Variants in NBEAL1 observed in about 807,000 individuals in gnomAD.
NBEAL1 encodes neurobeachin like 1, also known as neurobeachin-like protein 1.
In NBEAL1, 273 loss-of-function variants were observed where a neutral mutation model predicts 351.3. The ratio of observed to expected loss-of-function variants is 0.78; its 90% confidence interval spans 0.70 to 0.86. The LOEUF (loss-of-function observed/expected upper bound fraction) is 0.86. Ranked by LOEUF, NBEAL1 falls within the 40% of genes least tolerant of loss-of-function variation. The probability of loss-of-function intolerance (pLI) is 0.00; values close to 1 mark genes in which losing one functional copy is unlikely to be tolerated. For synonymous variants in NBEAL1, 1,050 were observed against 1,086.4 expected (o/e 0.97, Z 0.66); for missense variants, 2,961 against 3,201.3 (o/e 0.92, Z 1.81).
intron 36 of NBEAL1, among the ~76,000 whole-genome samples, chr2:203,161,885 C>A (rs1378465329): frequency 6.6e-6 from 1 of 151,750 alleles, no homozygotes; most frequent in Non-Finnish European, 1.5e-5. Context: ...ATAAACAAAC[C>A]CCTTGATCCA....
intron 2 of NBEAL1, among the ~76,000 whole-genome samples, chr2:203,035,148 G>T (rs985571476): frequency 2.0e-5 from 3 of 149,080 alleles, no homozygotes; most frequent in Non-Finnish European, 1.5e-5. Context: ...CCTCCCAAAA[G>T]GTTAGTGGGT....
rs184258127 is a variant in NBEAL1 at position 203,113,619 on chromosome 2, C to T, written c.2506+301C>T. On this transcript the variant is annotated intron_variant, in intron 17 of 55. Coordinates refer to ENST00000683969, the MANE Select transcript of NBEAL1 (RefSeq NM_001378026.1). Reference sequence around the variant, plus strand: ...TCATAGCAAAATACCACAGACTGGGCGGCTTTAGCAACAGAAATTTATTTT... The same window carrying T: ...TCATAGCAAAATACCACAGACTGGGTGGCTTTAGCAACAGAAATTTATTTT... Among the ~76,000 whole-genome samples, 7 of 152,040 alleles carry T rather than the reference C, an allele frequency of 4.6e-5. No individual in the cohort carries two copies. In the East Asian group the frequency reaches 9.7e-4, roughly 21 times the overall value.
At chr2:203,113,908 G>A (rs993423231) in intron 17 of NBEAL1, among the ~76,000 whole-genome samples, 9 of 147,212 alleles carry the variant, frequency 6.1e-5, no homozygotes, top group Admixed American at 2.8e-4. Context: ...TGCAAGCTCC[G>A]CCTCCCAGGT....
Position 203,113,169 on chromosome 2 carries a change from A to G in NBEAL1, c.2357A>G (p.Glu786Gly). 6.4e-7 allele frequency: 1 copy of G among 1,552,346 alleles called. No homozygotes were observed. The highest frequency in any genetic ancestry group is 8.7e-7 in the Non-Finnish European group (1 of 1,147,134). Reference protein sequence around the residue: ...LSSASWGGTIEKSKLITKLIS... With the variant: ...LSSASWGGTIGKSKLITKLIS... ...TCAGCCTCCTGGGGAGGAACAATTG[A>G]AAAATCAAAATTGATTACCAAATTG... The change falls in exon 17 of 56, where the codon GAA becomes GGA. Residue 786 changes from glutamate to glycine, a missense_variant. Coordinates refer to ENST00000683969, the MANE Select transcript of NBEAL1 (RefSeq NM_001378026.1).
At position 203,136,578 on chromosome 2, in the gene NBEAL1, ATTACT is replaced by A. The variant is rs1559394462; in HGVS notation, c.4390-17_4390-13del. 2 of 1,558,584 alleles carry A rather than the reference ATTACT, an allele frequency of 1.3e-6. No homozygotes were observed. The highest frequency in any genetic ancestry group is 4.5e-5 in the East Asian group (2 of 44,480). ...CAACTACACCCTCTAGTTATTTAAAATTACTTTATATTTTCCATAGAGATGTGAGG... is the reference window on the plus strand; with the variant it reads ...CAACTACACCCTCTAGTTATTTAAAATTATATTTTCCATAGAGATGTGAGG... On this transcript the variant is annotated splice_polypyrimidine_tract_variant and intron_variant, in intron 28 of 55. Transcript: ENST00000683969.
chr2:203,116,548 A>G (rs1165486524), intron 18 of NBEAL1, among the ~76,000 whole-genome samples: 1 of 151,646 alleles, frequency 6.6e-6, no homozygotes, highest in Non-Finnish European at 1.5e-5. Context: ...GCCCAGGTGG[A>G]TCGTTTGAGG....
In NBEAL1 at chr2:203,137,810, C is replaced by T. The variant is rs559960718; in HGVS notation, c.4566-352C>T. 5.3e-5 allele frequency among the ~76,000 whole-genome samples: 8 copies of T among 151,952 alleles called. No individual in the cohort carries two copies. The South Asian group carries it at 1.7e-3, about 32-fold the overall frequency. The stretch of plus-strand genomic sequence containing the variant: ...ACCAGCCTATCCAACATGGCAAAAC[C>T]CCATCTCTACCAAAAATACAAAAAT... On this transcript the variant is annotated intron_variant, in intron 29 of 55. Coordinates refer to ENST00000683969, the MANE Select transcript of NBEAL1 (RefSeq NM_001378026.1).
Position 203,219,856 on chromosome 2 carries a change from T to C in NBEAL1, c.*2502T>C, listed in dbSNP as rs1236251145. 1.9e-5 allele frequency: 1 copy of C among 51,560 alleles called. No homozygotes were observed. 3.2% of individuals were successfully genotyped at this position (51,560 alleles called of 1,614,324 possible). A position where few individuals can be genotyped will look rare whatever the true frequency, so the allele number is the denominator to read the frequency against. Reference sequence around the variant, plus strand: ...TTGGGCAACAGAGTGAGACTTTGTCTCAAAGAAAAGAAAAAAAATATGGAA... The same window carrying C: ...TTGGGCAACAGAGTGAGACTTTGTCCCAAAGAAAAGAAAAAAAATATGGAA... On this transcript the variant is annotated 3_prime_UTR_variant, in exon 56 of 56. Transcript: ENST00000683969.
chr2:203,132,135 A>G lies in NBEAL1; in HGVS notation c.3724+3A>G. ...CACCCATCAAATCATAAATACAGGTATGAATAAGGCTAATAAAGCTAACAT... is the reference window on the plus strand; with the variant it reads ...CACCCATCAAATCATAAATACAGGTGTGAATAAGGCTAATAAAGCTAACAT... On this transcript the variant is annotated splice_donor_region_variant and intron_variant, in intron 26 of 55. Coordinates refer to ENST00000683969, the MANE Select transcript of NBEAL1 (RefSeq NM_001378026.1). 6.7e-7 allele frequency: 1 copy of G among 1,497,904 alleles called. No individual in the cohort carries two copies. The highest frequency in any genetic ancestry group is 1.2e-5 in the South Asian group (1 of 80,466). The allele number at this position is 1,497,904 out of a possible 1,614,324, so 92.8% of individuals were successfully genotyped here. A position where few individuals can be genotyped will look rare whatever the true frequency, so the allele number is the denominator to read the frequency against.
At chr2:203,039,259 C>T (rs1574880253) in intron 2 of NBEAL1, among the ~76,000 whole-genome samples, 2 of 54,302 alleles carry the variant, frequency 3.7e-5, no homozygotes, top group Non-Finnish European at 7.2e-5. Flanking sequence ...CCCTTCCCTT[C>T]CCTTCCCTTC....
intron 44 of NBEAL1, among the ~76,000 whole-genome samples, chr2:203,185,826 C>T (rs1289334892): frequency 6.6e-6 from 1 of 152,216 alleles, no homozygotes. Context: ...AGCATAACTT[C>T]TGCCACTTTG....
At chr2:203,014,653 C>G (rs2060646255), upstream of NBEAL1, 1 of 152,330 alleles carries the variant, frequency 6.6e-6, no homozygotes, top group South Asian at 2.1e-4. Flanking sequence ...TTCAGTGCCG[C>G]GGCCGGCGCC....
rs990307095 is a variant in NBEAL1, at chr2:203,217,605, A to C, written c.*251A>C. 9.5e-7 allele frequency: 1 copy of C among 1,055,764 alleles called. No homozygotes were observed. Among genetic ancestry groups the C allele is most frequent in the Non-Finnish European group, 1.2e-6 (1 of 864,858 alleles). The allele number at this position is 1,055,764 out of a possible 1,614,324, so 65.4% of individuals were successfully genotyped here. ...GTATCCATTTTTAAAACAAACTAAA[A>C]TGAGAACATTAGGTTCAATTTTCTT... On this transcript the variant is annotated 3_prime_UTR_variant, in exon 56 of 56. Coordinates refer to ENST00000683969, the MANE Select transcript of NBEAL1 (RefSeq NM_001378026.1).
chr2:203,112,233 C>A, intron 16 of NBEAL1, 135 bp downstream of exon 16: 1 of 826,330 alleles, frequency 1.2e-6, no homozygotes, highest in South Asian at 2.3e-5. Flanking sequence ...TAGTAAGACT[C>A]CACACATTAA....
chr2:203,079,315 C>T (rs1193513843), intron 8 of NBEAL1, among the ~76,000 whole-genome samples: 1 of 152,176 alleles, frequency 6.6e-6, no homozygotes, highest in Non-Finnish European at 1.5e-5. Flanking sequence ...ATTCGTGGCT[C>T]AAGCAACCTG....
At chr2:203,123,901 C>A (rs944589346) in intron 19 of NBEAL1, among the ~76,000 whole-genome samples, 3 of 152,080 alleles carry the variant, frequency 2.0e-5, no homozygotes, top group Non-Finnish European at 4.4e-5. Context: ...AAGAGAAAGG[C>A]GTATTTTTAT....
At chr2:203,095,024 T>A (rs1431806147) in intron 10 of NBEAL1, among the ~76,000 whole-genome samples, 1 of 151,986 alleles carries the variant, frequency 6.6e-6, no homozygotes, top group Non-Finnish European at 1.5e-5. Context: ...CTCAGGAGGC[T>A]GAGGCAGGAG....
chr2:203,067,653 G>A (rs1268974213), intron 6 of NBEAL1, among the ~76,000 whole-genome samples: 3 of 151,916 alleles, frequency 2.0e-5, no homozygotes, highest in African/African-American at 7.3e-5. Flanking sequence ...ATTTTTGTTG[G>A]CTTTATCTAG....
intron 2 of NBEAL1, among the ~76,000 whole-genome samples, chr2:203,018,816 G>A (rs1040415126): frequency 6.6e-6 from 1 of 151,932 alleles, no homozygotes; most frequent in Admixed American, 6.6e-5. Flanking sequence ...GACAATTTAT[G>A]ATCTTATCTG....
Sources: gnomAD v4.1 joint callset for allele counts (sites outside exome capture counted in the v4.1 genomes callset) on GRCh38, gnomAD v4.1.1 for gene constraint, MANE v1.5 for transcripts, NCBI Gene and HGNC (gene_info 2026-07-23, HGNC 2026-07-21) for gene names.